The following STK32A variants were observed in gnomAD, a reference collection of about 807,000 sequenced individuals.
The protein encoded by STK32A is serine/threonine-protein kinase 32A.
A neutral mutation model predicts 53.2 loss-of-function variants in STK32A; 41 were observed. The observed-to-expected ratio is 0.77, with a 90% CI of 0.60 to 1.00. STK32A has a LOEUF of 1.00. Among genes scored for constraint, STK32A ranks in the 50% least tolerant of loss-of-function variants. STK32A has a pLI of 0.00. For missense variants in STK32A, 458 were observed against 485.8 expected (o/e 0.94, Z 0.54); for synonymous variants, 166 against 162.8 (o/e 1.02, Z -0.15).
At chr5:147,245,162 A>G (rs1545027) in intron 2 of STK32A, among the ~76,000 whole-genome samples, 47,054 of 152,000 alleles carry the variant, frequency 0.31, 8,069 homozygotes, top group Admixed American at 0.38. Context: ...AGGTTATTGT[A>G]TTTTTGTTTA....
At chr5:147,263,753 T>C (rs1754686380) in intron 2 of STK32A, among the ~76,000 whole-genome samples, 1 of 151,216 alleles carries the variant, frequency 6.6e-6, no homozygotes, top group Non-Finnish European at 1.5e-5. Flanking sequence ...TTCTAAATAA[T>C]AGGTATAGAA....
chr5:147,264,217 G>T (rs762293344), intron 2 of STK32A, among the ~76,000 whole-genome samples: 11 of 152,156 alleles, frequency 7.2e-5, no homozygotes, highest in Non-Finnish European at 1.0e-4. Context: ...GAAAGAAGGG[G>T]GCACTGCATG....
At chr5:147,320,461 T>C (rs905311998) in intron 4 of STK32A, among the ~76,000 whole-genome samples, 1 of 148,640 alleles carries the variant, frequency 6.7e-6, no homozygotes, top group Non-Finnish European at 1.5e-5. Context: ...TCATTGATTA[T>C]GTTTTCTATT....
At chr5:147,276,140 T>G (rs1436655880) in intron 2 of STK32A, among the ~76,000 whole-genome samples, 1 of 152,190 alleles carries the variant, frequency 6.6e-6, no homozygotes, top group African/African-American at 2.4e-5. Context: ...ATTCATGTAA[T>G]GGGTGTAAGA....
chr5:147,294,495 T>G lies in STK32A; in HGVS notation c.260+15097T>G, dbSNP rs775993075. On this transcript the variant is annotated intron_variant, in intron 4 of 12. Transcript: ENST00000397936. ...CAGGCTGGTATACTTCTTTTTTAGA[T>G]TGGCATTCTATCTTAGGACAAAATC... 2.0e-5 allele frequency among the ~76,000 whole-genome samples: 3 copies of G among 152,170 alleles called. No homozygotes were observed. The East Asian group carries it at 5.8e-4, about 29-fold the overall frequency.
At chr5:147,392,536 G>T (rs544437600), downstream of STK32A, 1 of 152,330 alleles carries the variant, frequency 6.6e-6, no homozygotes, top group Non-Finnish European at 1.5e-5. Context: ...TCTGATCCCA[G>T]GTTGAACATA....
intron 5 of STK32A, among the ~76,000 whole-genome samples, chr5:147,324,924 G>A (rs556878412): frequency 2.3e-4 from 35 of 152,232 alleles, no homozygotes; most frequent in African/African-American, 8.4e-4. Context: ...ATGTACATTA[G>A]TTTATTAAAT....
chr5:147,295,740 A>C (rs1280160810), intron 4 of STK32A, among the ~76,000 whole-genome samples: 1 of 152,246 alleles, frequency 6.6e-6, no homozygotes, highest in Non-Finnish European at 1.5e-5. Flanking sequence ...CCAGTTTTCA[A>C]TAGTTTCTCT....
rs933636810 is a variant in STK32A at position 147,387,623 on chromosome 5, A to G, written c.*3640A>G. 3.9e-5 allele frequency: 6 copies of G among 152,202 alleles called. No homozygotes were observed. Among genetic ancestry groups the G allele is most frequent in the Non-Finnish European group, 7.3e-5 (5 of 68,036 alleles). The allele number at this position is 152,202 out of a possible 1,614,324, so 9.4% of individuals were successfully genotyped here. ...GTACCCAGTTGTCCCTGTATTGTCT[A>G]CATAAAATCCTGTTTCCTGCTATCT... On this transcript the variant is annotated 3_prime_UTR_variant, in exon 13 of 13. Coordinates refer to ENST00000397936, the MANE Select transcript of STK32A (RefSeq NM_001112724.2).
chr5:147,328,736 G>A (rs565164125), intron 5 of STK32A, among the ~76,000 whole-genome samples: 2 of 152,082 alleles, frequency 1.3e-5, no homozygotes, highest in Non-Finnish European at 2.9e-5. Context: ...CTTCTACAGG[G>A]TTAGTACTAT....
chr5:147,360,450 C>CAAAAAAAAAAAAAAAAAAAAAAAAA (rs56690647), intron 7 of STK32A, among the ~76,000 whole-genome samples: 1 of 81,190 alleles, frequency 1.2e-5, no homozygotes, highest in African/African-American at 4.4e-5. Context: ...GATTCTGTCT[C>CAAAAAAAAAAAAAAAAAAAAAAAAA]AAAAAAAAAA....
At chr5:147,273,123 G>T (rs891866969) in intron 2 of STK32A, among the ~76,000 whole-genome samples, 1 of 152,112 alleles carries the variant, frequency 6.6e-6, no homozygotes, top group Non-Finnish European at 1.5e-5. Context: ...CTCTAAAAAG[G>T]GTTTCCTTTT....
At chr5:147,354,435 T>A (rs1198340177) in intron 7 of STK32A, among the ~76,000 whole-genome samples, 10 of 152,166 alleles carry the variant, frequency 6.6e-5, no homozygotes. Flanking sequence ...AAGTACAATA[T>A]CTGTATAATG....
chr5:147,265,678 T>C (rs895712907), intron 2 of STK32A, among the ~76,000 whole-genome samples: 5 of 152,048 alleles, frequency 3.3e-5, no homozygotes, highest in Non-Finnish European at 5.9e-5. Context: ...CATCAGTGCC[T>C]AGGAAAGTCC....
intron 11 of STK32A, among the ~76,000 whole-genome samples, chr5:147,381,676 G>A (rs1365223173): frequency 6.6e-6 from 1 of 150,936 alleles, no homozygotes; most frequent in Non-Finnish European, 1.5e-5. Flanking sequence ...ATTATATTAT[G>A]TGTCAATGTG....
At chr5:147,291,700 T>C (rs980704744) in intron 4 of STK32A, among the ~76,000 whole-genome samples, 3 of 152,138 alleles carry the variant, frequency 2.0e-5, no homozygotes, top group Non-Finnish European at 4.4e-5. Flanking sequence ...GATCAAATTG[T>C]AGGAAAATAA....
intron 4 of STK32A, among the ~76,000 whole-genome samples, chr5:147,281,379 A>G (rs971923722): frequency 4.6e-5 from 7 of 152,162 alleles, no homozygotes; most frequent in Non-Finnish European, 5.9e-5. Context: ...GAAGGGAGAA[A>G]TATTCAAGCA....
intron 5 of STK32A, among the ~76,000 whole-genome samples, chr5:147,330,313 G>A (rs530366556): frequency 2.6e-5 from 4 of 152,298 alleles, no homozygotes; most frequent in South Asian, 2.1e-4. Flanking sequence ...GAAGAATACC[G>A]TAGAGTAAGT....
intron 2 of STK32A, among the ~76,000 whole-genome samples, chr5:147,262,128 A>C (rs1402510145): frequency 6.6e-6 from 1 of 152,182 alleles, no homozygotes; most frequent in Admixed American, 6.5e-5. Context: ...GCCACATTAA[A>C]GAGCAGATAC....
Sources: gnomAD v4.1 joint callset for allele counts (sites outside exome capture counted in the v4.1 genomes callset) on GRCh38, gnomAD v4.1.1 for gene constraint, MANE v1.5 for transcripts, NCBI Gene and HGNC (gene_info 2026-07-23, HGNC 2026-07-21) for gene names.